The following GCH1 variants were observed in gnomAD, a reference collection of about 807,000 sequenced individuals.
The protein encoded by GCH1 is GTP cyclohydrolase 1.
Under a neutral mutation model 25.9 loss-of-function variants are expected in GCH1, and 5 were observed. The ratio of observed to expected loss-of-function variants is 0.19; its 90% CI spans 0.10 to 0.41. GCH1 has a LOEUF of 0.41. Among genes scored for constraint, GCH1 ranks in the 10% least tolerant of loss-of-function variants. GCH1 has a pLI of 1.00. For missense variants in GCH1, 261 were observed against 336.5 expected, an observed-to-expected ratio of 0.78 and a Z score of 1.75; for synonymous variants, 159 against 129.6, an observed-to-expected ratio of 1.23 and a Z score of -1.54.
chr14:54,877,505 T>C (rs760701730), intron 1 of GCH1, among the ~76,000 whole-genome samples: 2 of 152,142 alleles, frequency 1.3e-5, no homozygotes, highest in Non-Finnish European at 1.5e-5. Context: ...GCTTTTTTTT[T>C]TCTCTCGAGA....
At chr14:54,899,812 C>T (rs907355569) in intron 1 of GCH1, among the ~76,000 whole-genome samples, 4 of 152,100 alleles carry the variant, frequency 2.6e-5, no homozygotes, top group Admixed American at 6.5e-5. Context: ...ACCCATCCCC[C>T]TCTTCTCGCC....
rs370780445 is a variant in GCH1 at position 54,880,740 on chromosome 14, CAT to C, written c.344-15306_344-15305del. ...TATACTCATATATATATATATACTC[CAT>C]ATATATATACTCCATATATATATAT... On this transcript the variant is annotated intron_variant, in intron 1 of 5. Transcript: ENST00000491895. 7.7e-5 allele frequency among the ~76,000 whole-genome samples: 3 copies of C among 39,206 alleles called. 1 individual carries two copies. The highest frequency in any genetic ancestry group is 4.4e-4 in the African/African-American group (2 of 4,504). 25.7% of individuals were successfully genotyped at this position (39,206 alleles called of 152,430 possible). A position where few individuals can be genotyped will look rare whatever the true frequency, so the allele number is the denominator to read the frequency against.
At chr14:54,850,268 G>A (rs974506832) in intron 3 of GCH1, among the ~76,000 whole-genome samples, 5 of 149,870 alleles carry the variant, frequency 3.3e-5, no homozygotes, top group East Asian at 2.0e-4. Context: ...CACCACGCCC[G>A]ATCTCCTTTG....
intron 1 of GCH1, among the ~76,000 whole-genome samples, chr14:54,890,798 AAAC>A (rs2040413198): frequency 6.6e-6 from 1 of 152,232 alleles, no homozygotes; most frequent in Non-Finnish European, 1.5e-5. Context: ...TGCAAAAAAC[AAAC>A]AACCCAAAAA....
rs183310332 is a variant in GCH1, at chr14:54,845,276, G to A, written c.626+492C>T. Among the ~76,000 whole-genome samples, 695 of 151,130 alleles carry A rather than the reference G, an allele frequency of 4.6e-3. 16 individuals carry two copies. Among genetic ancestry groups the A allele is most frequent in the Admixed American group, 0.041 (623 of 15,196 alleles). Reference sequence around the variant, plus strand: ...GGGTGGATCATGAGGTCAGGAGTTCGAGACCAGCCTGGCCGACATGATGAA... The same window carrying A: ...GGGTGGATCATGAGGTCAGGAGTTCAAGACCAGCCTGGCCGACATGATGAA... On this transcript the variant is annotated intron_variant, in intron 5 of 5. Transcript: ENST00000491895.
chr14:54,862,969 T>C (rs1386201717), intron 2 of GCH1, among the ~76,000 whole-genome samples: 1 of 152,050 alleles, frequency 6.6e-6, no homozygotes, highest in East Asian at 1.9e-4. Context: ...CCAAATGCAA[T>C]GTAAATACAA....
intron 1 of GCH1, among the ~76,000 whole-genome samples, chr14:54,901,003 G>GT (rs1490482086): frequency 1.3e-5 from 2 of 151,962 alleles, no homozygotes; most frequent in African/African-American, 2.4e-5. Context: ...CAATTGAGGG[G>GT]TAAAAAAAAG....
At chr14:54,862,149 C>T (rs768205280) in intron 2 of GCH1, among the ~76,000 whole-genome samples, 1 of 152,046 alleles carries the variant, frequency 6.6e-6, no homozygotes, top group Non-Finnish European at 1.5e-5. Flanking sequence ...CTGCCTCAGA[C>T]TCCCAAAAAG....
chr14:54,877,362 A>G (rs1566675141), intron 1 of GCH1, among the ~76,000 whole-genome samples: 1 of 152,218 alleles, frequency 6.6e-6, no homozygotes, highest in African/African-American at 2.4e-5. Flanking sequence ...GTTTTCAGGT[A>G]TACCTTTCTC....
chr14:54,890,736 T>C (rs1274881060), intron 1 of GCH1, among the ~76,000 whole-genome samples: 1 of 152,230 alleles, frequency 6.6e-6, no homozygotes, highest in Non-Finnish European at 1.5e-5. Flanking sequence ...AGTGTATGCC[T>C]TTTATTGAAA....
chr14:54,886,008 C>A, intron 1 of GCH1: 1 of 267,078 alleles, frequency 3.7e-6, no homozygotes, highest in Non-Finnish European at 7.4e-6. Flanking sequence ...CTGCCAGCTC[C>A]TGGAATGCTA....
intron 1 of GCH1, among the ~76,000 whole-genome samples, chr14:54,881,502 CTT>C (rs2040272155): frequency 2.6e-5 from 4 of 152,318 alleles, no homozygotes. Flanking sequence ...GAGTACACCT[CTT>C]GTTAGAGCTT....
intron 2 of GCH1, among the ~76,000 whole-genome samples, chr14:54,863,883 C>T (rs1188166718): frequency 7.2e-6 from 1 of 139,460 alleles, no homozygotes; most frequent in African/African-American, 2.9e-5. Flanking sequence ...CAGGGTCTGG[C>T]AGTCTGGCTC....
intron 1 of GCH1, among the ~76,000 whole-genome samples, chr14:54,866,917 C>A (rs1271541159): frequency 1.3e-5 from 2 of 152,152 alleles, no homozygotes; most frequent in African/African-American, 4.8e-5. Flanking sequence ...GAAAAAGGCG[C>A]AGTGTCACTC....
intron 1 of GCH1, among the ~76,000 whole-genome samples, chr14:54,901,808 A>T (rs2040569486): frequency 6.6e-6 from 1 of 151,984 alleles, no homozygotes; most frequent in Non-Finnish European, 1.5e-5. Flanking sequence ...TCCCCTGGCA[A>T]ATCAGTGGGA....
At chr14:54,870,335 CA>C (rs561453897) in intron 1 of GCH1, among the ~76,000 whole-genome samples, 11,470 of 66,586 alleles carry the variant, frequency 0.17, 147 homozygotes, top group East Asian at 0.29. Context: ...CTGTTTTTAC[CA>C]AAAAAAAAAA....
intron 3 of GCH1, among the ~76,000 whole-genome samples, chr14:54,853,901 C>G (rs2039771310): frequency 6.6e-6 from 1 of 152,206 alleles, no homozygotes; most frequent in Non-Finnish European, 1.5e-5. Context: ...ATAAAACTGA[C>G]TGGGTCCAGG....
chr14:54,881,490 A>G (rs767233450), intron 1 of GCH1, among the ~76,000 whole-genome samples: 4 of 152,226 alleles, frequency 2.6e-5, no homozygotes, highest in Non-Finnish European at 5.9e-5. Flanking sequence ...CACTTTCATC[A>G]TGAGTACACC....
intron 1 of GCH1, among the ~76,000 whole-genome samples, chr14:54,873,160 C>T (rs2040106231): frequency 6.6e-6 from 1 of 152,170 alleles, no homozygotes; most frequent in African/African-American, 2.4e-5. Flanking sequence ...GACCACAGTG[C>T]AATCAAACTA....
Sources: gnomAD v4.1 joint callset for allele counts (sites outside exome capture counted in the v4.1 genomes callset) on GRCh38, gnomAD v4.1.1 for gene constraint, MANE v1.5 for transcripts, NCBI Gene and HGNC (gene_info 2026-07-23, HGNC 2026-07-21) for gene names.